The following ERC2 variants were observed in gnomAD, a reference collection of about 807,000 sequenced individuals.
ERC2 encodes ELKS/RAB6-interacting/CAST family member 2, also known as ERC protein 2.
ERC2 carries 42 observed loss-of-function variants against 114.8 expected under a neutral mutation model. The observed-to-expected ratio is 0.37, with a 90% CI of 0.29 to 0.47. The LOEUF (loss-of-function observed/expected upper bound fraction) is 0.47, where lower values mean the gene tolerates loss of function less well. Among genes scored for constraint, ERC2 ranks in the 20% least tolerant of loss-of-function variants. The pLI, the probability that ERC2 is intolerant of heterozygous loss-of-function variation, is 0.99. For missense variants in ERC2, 939 were observed against 1,150.7 expected (o/e 0.82, Z 2.66); for synonymous variants, 454 against 425.5 (o/e 1.07, Z -0.82).
chr3:56,014,269 T>A (rs1396092340), intron 8 of ERC2, among the ~76,000 whole-genome samples: 4 of 152,172 alleles, frequency 2.6e-5, no homozygotes, highest in African/African-American at 9.6e-5. Context: ...CAGTAGTCCC[T>A]ACTACACTTC....
chr3:55,993,254 G>A (rs951943600), intron 10 of ERC2, among the ~76,000 whole-genome samples: 8 of 152,210 alleles, frequency 5.3e-5, no homozygotes, highest in Non-Finnish European at 7.4e-5. Flanking sequence ...AGTCATATAC[G>A]TATGTATCTC....
At chr3:55,920,446 A>ACACACACACC (rs57638674) in intron 13 of ERC2, among the ~76,000 whole-genome samples, 170 of 145,542 alleles carry the variant, frequency 1.2e-3, no homozygotes, top group Middle Eastern at 7.0e-3. Context: ...ACACACACAC[A>ACACACACACC]CCCCAAGTGA....
At chr3:56,306,212 C>T (rs991523006) in intron 2 of ERC2, among the ~76,000 whole-genome samples, 6 of 152,022 alleles carry the variant, frequency 3.9e-5, no homozygotes, top group African/African-American at 1.4e-4. Flanking sequence ...CACCATATGA[C>T]CCATGAAATC....
chr3:55,858,009 C>G (rs147084547), intron 14 of ERC2, among the ~76,000 whole-genome samples: 125 of 152,330 alleles, frequency 8.2e-4, no homozygotes, highest in Admixed American at 2.4e-3. Context: ...TTTGCTATAA[C>G]TTGGCATTAA....
Position 56,434,346 on chromosome 3 carries a change from C to A in ERC2, c.657+5G>T, listed in dbSNP as rs1462461571. On this transcript the variant is annotated splice_donor_5th_base_variant and intron_variant, in intron 2 of 17. Transcript: ENST00000288221. The stretch of plus-strand genomic sequence containing the variant: ...TGAAAAATACTGAGATGAGTCATGA[C>A]CTACCTGATTTTCTTCATGGGAAAC... 1.2e-6 allele frequency: 2 copies of A among 1,612,130 alleles called. No homozygotes were observed. Among genetic ancestry groups the A allele is most frequent in the Non-Finnish European group, 1.7e-6 (2 of 1,179,166 alleles).
At chr3:56,055,428 A>G (rs1360388552) in intron 7 of ERC2, among the ~76,000 whole-genome samples, 2 of 152,184 alleles carry the variant, frequency 1.3e-5, no homozygotes, top group East Asian at 1.9e-4. Context: ...AATAAAATAC[A>G]TGGAAAGTGA....
chr3:56,333,470 G>C (rs1393284391), intron 2 of ERC2, among the ~76,000 whole-genome samples: 1 of 152,126 alleles, frequency 6.6e-6, no homozygotes, highest in African/African-American at 2.4e-5. Context: ...CTTGGTCAGG[G>C]AAAATGTTCA....
intron 17 of ERC2, among the ~76,000 whole-genome samples, chr3:55,577,351 T>C (rs2057036316): frequency 6.6e-6 from 1 of 152,172 alleles, no homozygotes; most frequent in East Asian, 1.9e-4. Context: ...TGAATAATTC[T>C]ACTAATAAAA....
chr3:55,808,521 C>T (rs1370364700), intron 14 of ERC2, among the ~76,000 whole-genome samples: 1 of 151,382 alleles, frequency 6.6e-6, no homozygotes, highest in Non-Finnish European at 1.5e-5. Flanking sequence ...AGAGCTAAAC[C>T]AGTCAGAGGC....
chr3:56,091,992 C>T lies in ERC2; in HGVS notation c.1474-11008G>A, dbSNP rs1228248894. On this transcript the variant is annotated intron_variant, in intron 6 of 17. Coordinates refer to ENST00000288221, the MANE Select transcript of ERC2 (RefSeq NM_015576.3). ...AAAAAACCTATATTATATTTAAAAA[C>T]ATTTAGATAGCACAAAGAAAAACAA... Among the ~76,000 whole-genome samples the T allele has an allele frequency of 2.6e-5, 4 of 152,012 alleles. No homozygotes were observed. The East Asian group carries it at 7.7e-4, about 29-fold the overall frequency.
intron 17 of ERC2, among the ~76,000 whole-genome samples, chr3:55,644,518 C>T (rs1392867528): frequency 6.6e-6 from 1 of 152,084 alleles, no homozygotes; most frequent in African/African-American, 2.4e-5. Flanking sequence ...AGCTCAGTTC[C>T]TCTATTAGTA....
At chr3:55,610,983 A>C (rs1489700769) in intron 17 of ERC2, 1 of 152,234 alleles carries the variant, frequency 6.6e-6, no homozygotes, top group Non-Finnish European at 1.5e-5. Flanking sequence ...AAAGCTAAAA[A>C]TGTGGAAGAG....
chr3:55,666,864 C>G (rs1007556176), intron 17 of ERC2, among the ~76,000 whole-genome samples: 1 of 152,116 alleles, frequency 6.6e-6, no homozygotes, highest in Non-Finnish European at 1.5e-5. Flanking sequence ...AGGCAACTTT[C>G]GTAAACTCTC....
At chr3:55,528,080 A>T (rs933098540) in intron 17 of ERC2, among the ~76,000 whole-genome samples, 14 of 152,360 alleles carry the variant, frequency 9.2e-5, no homozygotes, top group Admixed American at 8.5e-4. Context: ...TGATATTAAA[A>T]AGGATGAAGC....
At chr3:56,037,405 A>G (rs145302158) in intron 7 of ERC2, among the ~76,000 whole-genome samples, 3 of 152,328 alleles carry the variant, frequency 2.0e-5, no homozygotes, top group African/African-American at 4.8e-5. Context: ...TCACAATGCA[A>G]TCACAAGTAT....
chr3:56,000,531 A>C (rs1475086985), intron 10 of ERC2, among the ~76,000 whole-genome samples: 1 of 152,194 alleles, frequency 6.6e-6, no homozygotes, highest in Non-Finnish European at 1.5e-5. Context: ...AAGCTAATAA[A>C]TGTACTGGAA....
intron 14 of ERC2, among the ~76,000 whole-genome samples, chr3:55,870,880 A>G (rs2062553398): frequency 6.6e-6 from 1 of 152,158 alleles, no homozygotes; most frequent in Non-Finnish European, 1.5e-5. Context: ...TGGCCTTCAC[A>G]TTTCTCACCC....
intron 2 of ERC2, among the ~76,000 whole-genome samples, chr3:56,337,635 C>T (rs6784908): frequency 1.3e-5 from 2 of 151,842 alleles, no homozygotes. Flanking sequence ...AGATGAGGTA[C>T]AGAAAAAAAA....
At chr3:55,994,546 A>AT in intron 10 of ERC2, among the ~76,000 whole-genome samples, 1 of 150,646 alleles carries the variant, frequency 6.6e-6, no homozygotes, top group East Asian at 2.0e-4. Context: ...TGTTTTTATT[A>AT]TAATTATTAT....
Sources: allele counts gnomAD v4.1 joint callset (sites outside exome capture counted in the v4.1 genomes callset), GRCh38; gene constraint gnomAD v4.1.1; transcripts MANE v1.5; gene names NCBI Gene and HGNC (gene_info 2026-07-23, HGNC 2026-07-21).